Variants in PPFIBP1 observed in about 807,000 individuals in gnomAD.
PPFIBP1 encodes the protein PPFIB scaffold protein 1, also known as liprin-beta-1.
PPFIBP1 carries 112 observed loss-of-function variants against 137.8 expected under a neutral mutation model. That is an observed-to-expected ratio of 0.81 (90% confidence interval 0.70 to 0.95). The LOEUF (loss-of-function observed/expected upper bound fraction) is 0.95. PPFIBP1 is among the 40% of genes least tolerant of loss of function. The pLI, the probability that PPFIBP1 is intolerant of heterozygous loss-of-function variation, is 0.00. For missense variants in PPFIBP1, 1,083 were observed against 1,196.6 expected (o/e 0.91, Z 1.40); for synonymous variants, 378 against 417.3 (o/e 0.91, Z 1.15).
intron 15 of PPFIBP1, 21 bp downstream of exon 15, chr12:27,672,504 T>A: frequency 6.5e-7 from 1 of 1,543,876 alleles, no homozygotes; most frequent in Non-Finnish European, 8.9e-7. Context: ...TTTTATTGAA[T>A]GTGAAAAATG....
intron 4 of PPFIBP1, among the ~76,000 whole-genome samples, chr12:27,645,556 C>G (rs974410721): frequency 1.2e-4 from 19 of 152,108 alleles, no homozygotes; most frequent in African/African-American, 4.6e-4. Context: ...AGGCTCTGCC[C>G]TGGAATAGAA....
intron 4 of PPFIBP1, chr12:27,636,096 G>A (rs2057647272): frequency 6.6e-6 from 1 of 152,178 alleles, no homozygotes; most frequent in Admixed American, 6.5e-5. Flanking sequence ...AACCTTAAGA[G>A]TACATCCTAC....
chr12:27,692,017 A>G lies in PPFIBP1; in HGVS notation c.2865+89A>G, dbSNP rs1267824512. The G allele has an allele frequency of 4.4e-6, 5 of 1,131,368 alleles. No homozygotes were observed. The African/African-American group carries it at 6.3e-5, about 14-fold the overall frequency. 70.1% of individuals were successfully genotyped at this position (1,131,368 alleles called of 1,614,324 possible). A position where few individuals can be genotyped will look rare whatever the true frequency, so the allele number is the denominator to read the frequency against. On this transcript the variant is annotated intron_variant, in intron 28 of 29. Coordinates refer to ENST00000228425, the MANE Select transcript of PPFIBP1 (RefSeq NM_003622.4). ...TTGTATACTGTGTCTGATCAAGGAC[A>G]TTTTCTTCAAATAACTAAAAATACA...
intron 4 of PPFIBP1, chr12:27,636,103 C>T (rs1006397966): frequency 5.9e-5 from 9 of 152,150 alleles, no homozygotes; most frequent in African/African-American, 2.2e-4. Context: ...AGAGTACATC[C>T]TACAGCTAAA....
intron 1 of PPFIBP1, among the ~76,000 whole-genome samples, chr12:27,576,005 A>G (rs2050525036): frequency 6.6e-6 from 1 of 152,212 alleles, no homozygotes; most frequent in Non-Finnish European, 1.5e-5. Flanking sequence ...TTGTGTATTC[A>G]GTCCTGGTTA....
intron 8 of PPFIBP1, chr12:27,655,114 T>C: frequency 6.9e-7 from 1 of 1,454,274 alleles, no homozygotes; most frequent in Non-Finnish European, 9.3e-7. Flanking sequence ...TATCTGTAGT[T>C]TTCTTTCACT....
chr12:27,558,918 A>C (rs761302920), intron 1 of PPFIBP1, among the ~76,000 whole-genome samples: 1 of 152,100 alleles, frequency 6.6e-6, no homozygotes, highest in Non-Finnish European at 1.5e-5. Context: ...GCTGGAGTGC[A>C]GTGGCGTGAC....
chr12:27,688,506 A>G, intron 26 of PPFIBP1, 83 bp downstream of exon 26: 1 of 1,527,660 alleles, frequency 6.5e-7, no homozygotes. Flanking sequence ...TTTGCTTATC[A>G]TAATCCTAAA....
intron 6 of PPFIBP1, among the ~76,000 whole-genome samples, chr12:27,649,139 A>G (rs1256546813): frequency 6.6e-6 from 1 of 152,222 alleles, no homozygotes; most frequent in African/African-American, 2.4e-5. Context: ...ACACAAGTAG[A>G]AAAGAAAATA....
Position 27,647,809 on chromosome 12 carries a change from G to C in PPFIBP1, c.438G>C (p.Glu146Asp). The change falls in exon 6 of 30, where the codon GAG (glutamate) becomes GAC (aspartate). Residue 146 changes from glutamate to aspartate, a missense_variant. Transcript: ENST00000228425. Reference protein sequence around the residue: ...DLEFCLEEHREKVNATEEMLQ... With the variant: ...DLEFCLEEHRDKVNATEEMLQ... The stretch of plus-strand genomic sequence containing the variant: ...AGTTTTGTCTTGAAGAGCACAGAGA[G>C]AAGGTGAATGCCACAGAAGAAATGC... The C allele has an allele frequency of 6.2e-7, 1 of 1,612,646 alleles. No homozygotes were observed. Among genetic ancestry groups the C allele is most frequent in the Non-Finnish European group, 8.5e-7 (1 of 1,179,472 alleles).
intron 1 of PPFIBP1, among the ~76,000 whole-genome samples, chr12:27,545,067 A>C (rs1946086963): frequency 6.6e-6 from 1 of 152,240 alleles, no homozygotes; most frequent in Non-Finnish European, 1.5e-5. Flanking sequence ...AAAAAGAATG[A>C]GTTCATGTCC....
intron 19 of PPFIBP1, among the ~76,000 whole-genome samples, chr12:27,678,944 G>A (rs927294622): frequency 3.3e-5 from 5 of 150,210 alleles, no homozygotes; most frequent in East Asian, 2.0e-4. Context: ...CAGATGTCCC[G>A]ACACACTGAA....
intron 1 of PPFIBP1, among the ~76,000 whole-genome samples, chr12:27,542,052 A>G (rs983489639): frequency 6.6e-6 from 1 of 152,130 alleles, no homozygotes; most frequent in African/African-American, 2.4e-5. Context: ...CTCATCTGTG[A>G]AATGGAAATA....
chr12:27,628,734 A>G (rs2057040134), intron 2 of PPFIBP1, among the ~76,000 whole-genome samples: 1 of 152,184 alleles, frequency 6.6e-6, no homozygotes, highest in Non-Finnish European at 1.5e-5. Context: ...TTAAAGTGGA[A>G]TTTTTATTTC....
At chr12:27,530,007 A>G (rs968803108) in intron 1 of PPFIBP1, among the ~76,000 whole-genome samples, 1 of 152,212 alleles carries the variant, frequency 6.6e-6, no homozygotes, top group East Asian at 1.9e-4. Flanking sequence ...CAGAATTGCA[A>G]AAGTTTTTCA....
chr12:27,610,473 T>C (rs749451318), intron 2 of PPFIBP1, among the ~76,000 whole-genome samples: 5 of 152,196 alleles, frequency 3.3e-5, no homozygotes, highest in Admixed American at 1.3e-4. Context: ...GCGCCCAGAC[T>C]ATGGTGTTTT....
chr12:27,654,596 ATC>A, intron 7 of PPFIBP1, 124 bp from the exon 8 acceptor site: 2 of 1,223,422 alleles, frequency 1.6e-6, no homozygotes, highest in Non-Finnish European at 2.2e-6. Context: ...CATTTGTCTC[ATC>A]TGATTCATAC....
At chr12:27,651,094 G>A (rs1243203969) in intron 7 of PPFIBP1, among the ~76,000 whole-genome samples, 1 of 152,004 alleles carries the variant, frequency 6.6e-6, no homozygotes, top group Non-Finnish European at 1.5e-5. Flanking sequence ...ATGATACCAG[G>A]CATTACATAC....
rs1408594515 is a variant in PPFIBP1 at position 27,644,701 on chromosome 12, G to T, written c.271-1361G>T. Among the ~76,000 whole-genome samples, 52 of 152,040 alleles carry T rather than the reference G, an allele frequency of 3.4e-4. 1 individual carries two copies. The highest frequency in any genetic ancestry group is 3.4e-3 in the Admixed American group (52 of 15,270). ...TCATAATACTTGTAATTTAATGCTG[G>T]GCACTTCAGTTAACAATATGAGCAG... On this transcript the variant is annotated intron_variant, in intron 4 of 29. Transcript: ENST00000228425.
Sources: allele counts gnomAD v4.1 joint callset (sites outside exome capture counted in the v4.1 genomes callset), GRCh38; gene constraint gnomAD v4.1.1; transcripts MANE v1.5; gene names NCBI Gene and HGNC (gene_info 2026-07-23, HGNC 2026-07-21).